Variants in KLHL36 observed in about 807,000 individuals in gnomAD.
KLHL36 encodes the protein kelch like family member 36.
In KLHL36, 35 loss-of-function variants were observed where a neutral mutation model predicts 53.3. The ratio of observed to expected loss-of-function variants is 0.66; its 90% confidence interval spans 0.50 to 0.87. KLHL36 has a LOEUF of 0.87. Ranked by LOEUF, KLHL36 falls within the 40% of genes least tolerant of loss-of-function variation. The pLI is 0.00. For synonymous variants in KLHL36, 472 were observed against 398.9 expected (o/e 1.18, Z -2.18); for missense variants, 864 against 897.6 (o/e 0.96, Z 0.48).
chr16:84,651,017 AT>A, intron 2 of KLHL36, 87 bp downstream of exon 2: 12 of 1,158,422 alleles, frequency 1.0e-5, no homozygotes, highest in Admixed American at 2.4e-5. Context: ...TCACAGACTG[AT>A]TTTTTTGTCA....
rs1465840564 is a variant in KLHL36, at chr16:84,661,121, C to A, written c.1296-457C>A. Reference sequence around the variant, plus strand: ...TCCCCTCTCCCCACAGTCCTGGCAGCCACTGATTTTGCTGTCTCTATGGTT... The same window carrying A: ...TCCCCTCTCCCCACAGTCCTGGCAGACACTGATTTTGCTGTCTCTATGGTT... On this transcript the variant is annotated intron_variant, in intron 4 of 4. Transcript: ENST00000564996. This position sits in a 1 kb window ranked among gnomAD's most constrained non-coding sequence, Gnocchi z 7.9. Among the ~76,000 whole-genome samples, 1 of 152,222 alleles carries A rather than the reference C, an allele frequency of 6.6e-6. No individual in the cohort carries two copies. The highest frequency in any genetic ancestry group is 1.5e-5 in the Non-Finnish European group (1 of 68,040).
chr16:84,654,985 G>C (rs1159811563), intron 2 of KLHL36, among the ~76,000 whole-genome samples: 1 of 152,166 alleles, frequency 6.6e-6, no homozygotes, highest in South Asian at 2.1e-4. Flanking sequence ...GCAAGACCCT[G>C]TTTCTAAAAA....
In KLHL36 at chr16:84,659,906, C is replaced by T. The variant is rs373155225; in HGVS notation, c.1284C>T (p.Ala428=). 9.4e-5 allele frequency: 151 copies of T among 1,605,312 alleles called. No homozygotes were observed. The highest frequency in any genetic ancestry group is 4.9e-4 in the East Asian group (22 of 44,596). Residue 428 remains alanine, a synonymous_variant, in exon 4 of 5, where the codon GCC becomes GCT. Coordinates refer to ENST00000564996, the MANE Select transcript of KLHL36 (RefSeq NM_024731.4). ...SPKTDSWSYV[A]GLPRFTYGHA... ...AGACTGACTCCTGGTCCTATGTGGC[C>T]GGCTTGCCAAGGTGATCTGGGGCTT...
intron 3 of KLHL36, chr16:84,658,640 GA>G (rs952385383): frequency 6.6e-6 from 1 of 152,252 alleles, no homozygotes; most frequent in African/African-American, 2.4e-5. Context: ...ATACGTGGGG[GA>G]CAGGGAGTGC....
In KLHL36 at chr16:84,657,671, G is replaced by A. The variant is rs200659563; in HGVS notation, c.864G>A (p.Thr288=). The A allele has an allele frequency of 3.5e-5, 57 of 1,612,486 alleles. No homozygotes were observed. The African/African-American group carries it at 4.9e-4, about 14-fold the overall frequency. Residue 288 remains threonine, a synonymous_variant, in exon 3 of 5, where the codon ACG becomes ACA. Transcript: ENST00000564996. The part of the protein sequence containing the change: ...AAQPVMQTKR[T]ALRTNQERLL... ...AGCCCGTCATGCAGACCAAGCGCAC[G>A]GCGCTGCGCACCAACCAGGAGCGCC...
chr16:84,654,815 G>C (rs1597216307), intron 2 of KLHL36, among the ~76,000 whole-genome samples: 1 of 152,070 alleles, frequency 6.6e-6, no homozygotes, highest in East Asian at 1.9e-4. Flanking sequence ...TCACCATGTT[G>C]GTCAGGCTGG....
chr16:84,655,174 C>T (rs572621171), intron 2 of KLHL36, among the ~76,000 whole-genome samples: 30 of 152,280 alleles, frequency 2.0e-4, no homozygotes, highest in South Asian at 8.3e-4. Context: ...GTCTGGCATC[C>T]TCCACAGGCT....
chr16:84,653,867 C>T (rs1180071349), intron 2 of KLHL36, among the ~76,000 whole-genome samples: 2 of 149,698 alleles, frequency 1.3e-5, no homozygotes, highest in Non-Finnish European at 3.0e-5. Flanking sequence ...AAAGGGAACT[C>T]GTGTGCCTGT....
chr16:84,659,509 G>T, intron 3 of KLHL36: 2 of 468,062 alleles, frequency 4.3e-6, no homozygotes, highest in Non-Finnish European at 7.7e-6. Flanking sequence ...CGGGGGTTCA[G>T]AGCATCTCCA....
chr16:84,652,984 G>A (rs1023687970), intron 2 of KLHL36, among the ~76,000 whole-genome samples: 5 of 152,156 alleles, frequency 3.3e-5, no homozygotes, highest in East Asian at 1.9e-4. Context: ...CTGGGAGGCC[G>A]AGGCGGGAGG....
intron 3 of KLHL36, 35 bp from the exon 4 acceptor site, chr16:84,659,725 G>T: frequency 6.2e-7 from 1 of 1,604,132 alleles, no homozygotes; most frequent in South Asian, 1.1e-5. Context: ...TCCCGGGTTC[G>T]GGGAAGGGAA....
chr16:84,651,446 G>C (rs1020118100), intron 2 of KLHL36, among the ~76,000 whole-genome samples: 1 of 152,148 alleles, frequency 6.6e-6, no homozygotes, highest in Non-Finnish European at 1.5e-5. Context: ...GTTCTAATTA[G>C]AAATATGTAG....
intron 2 of KLHL36, among the ~76,000 whole-genome samples, chr16:84,655,703 CAAAAAA>C (rs568975346): frequency 1.1e-5 from 1 of 93,326 alleles, no homozygotes; most frequent in African/African-American, 4.2e-5. Context: ...GACCCTGTCT[CAAAAAA>C]AAAAAAAAAA....
In KLHL36 at chr16:84,657,428, G is replaced by A. The variant is rs1364793036; in HGVS notation, c.621G>A (p.Glu207=). The A allele has an allele frequency of 2.5e-6, 4 of 1,606,136 alleles. No individual in the cohort carries two copies. The highest frequency in any genetic ancestry group is 1.7e-5 in the Admixed American group (1 of 60,024). The stretch of plus-strand genomic sequence containing the variant: ...GCAGCGAGGTGCAGCGGGAGTGTGA[G>A]CACGACCTCCTGCAGGCCGCCCTGC... ...LSSSEVQREC[E]HDLLQAALQW... The change falls in exon 3 of 5, where the codon GAG becomes GAA. Residue 207 remains glutamate, a synonymous_variant. Coordinates refer to ENST00000564996, the MANE Select transcript of KLHL36 (RefSeq NM_024731.4).
intron 2 of KLHL36, among the ~76,000 whole-genome samples, chr16:84,651,576 C>A (rs1433725407): frequency 6.6e-6 from 1 of 152,200 alleles, no homozygotes; most frequent in East Asian, 1.9e-4. Context: ...TATGAGGTTC[C>A]TGGTAACCTG....
At position 84,657,273 on chromosome 16, in the gene KLHL36, T is replaced by A; in HGVS notation, c.466T>A (p.Ser156Thr). The part of the protein sequence containing the change: ...DNYLYLQELA[S>T]IYSLKRLDAF... ...CTACCTGTACCTGCAGGAGCTGGCC[T>A]CCATCTACAGCCTCAAGCGGCTTGA... The change falls in exon 3 of 5, where the codon TCC (serine) becomes ACC (threonine). Residue 156 changes from serine (S) to threonine (T), a missense_variant. Physicochemically the swap from Ser to Thr is moderately conservative, Grantham distance 58. Transcript: ENST00000564996. The A allele has an allele frequency of 6.2e-7, 1 of 1,614,126 alleles. No homozygotes were observed. Among genetic ancestry groups the A allele is most frequent in the Non-Finnish European group, 8.5e-7 (1 of 1,180,034 alleles).
At chr16:84,660,922 A>G (rs546997850) in intron 4 of KLHL36, among the ~76,000 whole-genome samples, 20 of 152,312 alleles carry the variant, frequency 1.3e-4, no homozygotes, top group South Asian at 6.2e-4. Context: ...GCACCTGGCC[A>G]TATTGATCCT....
rs1022811739 is a variant in KLHL36 at position 84,661,257 on chromosome 16, C to G, written c.1296-321C>G. 6.6e-6 allele frequency among the ~76,000 whole-genome samples: 1 copy of G among 152,136 alleles called. No individual in the cohort carries two copies. The highest frequency in any genetic ancestry group is 1.5e-5 in the Non-Finnish European group (1 of 68,034). On this transcript the variant is annotated intron_variant, in intron 4 of 4. Transcript: ENST00000564996. This position sits in a 1 kb window ranked among gnomAD's most constrained non-coding sequence, Gnocchi z 7.9. ...CATGTGTGCCTGCTAGCTCATTGTTCTAGTCGTTTCCAGCCATTGTGAAAA... is the reference window on the plus strand; with the variant it reads ...CATGTGTGCCTGCTAGCTCATTGTTGTAGTCGTTTCCAGCCATTGTGAAAA...
Position 84,657,051 on chromosome 16 carries a change from G to A in KLHL36, c.244G>A (p.Ala82Thr), listed in dbSNP as rs754159508. The A allele has an allele frequency of 4.3e-6, 7 of 1,614,228 alleles. No homozygotes were observed. Among genetic ancestry groups the A allele is most frequent in the Non-Finnish European group, 4.2e-6 (5 of 1,180,046 alleles). The change falls in exon 3 of 5, where the codon GCT (alanine) becomes ACT (threonine). Residue 82 changes from alanine to threonine, a missense_variant. Ala to Thr is a moderately conservative substitution (Grantham distance 58). Coordinates refer to ENST00000564996, the MANE Select transcript of KLHL36 (RefSeq NM_024731.4). ...CATGTTCACCATCGGCATGCGGGAA[G>A]CTTTCCAGAAGGAGGTGGAGCTGAT... Reference protein sequence around the residue: ...NSMFTIGMREAFQKEVELIGA... With the variant: ...NSMFTIGMRETFQKEVELIGA...
Sources: allele counts gnomAD v4.1 joint callset (sites outside exome capture counted in the v4.1 genomes callset), GRCh38; gene constraint gnomAD v4.1.1; non-coding constraint Gnocchi (gnomAD v3.1); transcripts MANE v1.5; gene names NCBI Gene and HGNC (gene_info 2026-07-23, HGNC 2026-07-21).